Variants in PSTPIP2 observed in about 807,000 individuals in gnomAD.
The protein encoded by PSTPIP2 is proline-serine-threonine phosphatase-interacting protein 2.
Under a neutral mutation model 63.3 loss-of-function variants are expected in PSTPIP2, and 33 were observed. The observed-to-expected ratio is 0.52, with a 90% CI of 0.40 to 0.70. The LOEUF is 0.70. PSTPIP2 is among the 30% of genes least tolerant of loss of function. PSTPIP2 has a pLI of 0.00. For missense variants in PSTPIP2, 312 were observed against 400.7 expected (o/e 0.78, Z 1.89); for synonymous variants, 125 against 132.7 (o/e 0.94, Z 0.40).
At chr18:45,997,344 A>T (rs919080370) in intron 9 of PSTPIP2, among the ~76,000 whole-genome samples, 3 of 151,930 alleles carry the variant, frequency 2.0e-5, no homozygotes, top group Non-Finnish European at 2.9e-5. Context: ...GTGCGCCACC[A>T]CACCCGGCTA....
chr18:46,060,748 A>T (rs9807399), intron 1 of PSTPIP2, among the ~76,000 whole-genome samples: 1 of 152,060 alleles, frequency 6.6e-6, no homozygotes, highest in African/African-American at 2.4e-5. Flanking sequence ...GGCTCCGCCC[A>T]GAGGACTGGT....
At chr18:46,011,160 T>G in intron 5 of PSTPIP2, 21 bp downstream of exon 5, 1 of 1,585,380 alleles carries the variant, frequency 6.3e-7, no homozygotes, top group South Asian at 1.1e-5. Flanking sequence ...GGAAACACCT[T>G]AACACGTATG....
chr18:45,993,656 T>G lies in PSTPIP2; in HGVS notation c.690A>C (p.Ala230=). ...ACAGCTGATTCACATGTAACCACAA[T>G]GCATTCCGGAAGAAGTTTATTCGTT... ...ECERINFFRN[A]LWLHVNQLSQ... The change falls in exon 10 of 15, where the codon GCA becomes GCC. Residue 230 remains alanine, a synonymous_variant. Coordinates refer to ENST00000409746, the MANE Select transcript of PSTPIP2 (RefSeq NM_024430.4). 6.2e-7 allele frequency: 1 copy of G among 1,614,178 alleles called. No individual in the cohort carries two copies.
Position 46,040,008 on chromosome 18 carries a change from T to C in PSTPIP2, c.73A>G (p.Ile25Val), listed in dbSNP as rs1414789345. The change falls in exon 2 of 15, where the codon ATC becomes GTC. Residue 25 changes from isoleucine (I) to valine (V), a missense_variant. Ile to Val is a conservative substitution (Grantham distance 29, BLOSUM62 3). Coordinates refer to ENST00000409746, the MANE Select transcript of PSTPIP2 (RefSeq NM_024430.4). ...TTGCGGCCATTGTTCAGATGTTGGA[T>C]AATGTTGTCATAGCCGATGGTGCTG... ...ILSTIGYDNI[I>V]QHLNNGRKNC... is the part of the protein sequence containing the mutation. 6.2e-7 allele frequency: 1 copy of C among 1,613,532 alleles called. No individual in the cohort carries two copies. Among genetic ancestry groups the C allele is most frequent in the Admixed American group, 1.7e-5 (1 of 59,940 alleles).
intron 1 of PSTPIP2, among the ~76,000 whole-genome samples, chr18:46,054,106 G>C (rs1908671350): frequency 6.6e-6 from 1 of 152,074 alleles, no homozygotes. Flanking sequence ...TACTCACACT[G>C]GTGAGTATTA....
rs150435685 is a variant in PSTPIP2, at chr18:46,015,927, G to A, written c.223C>T (p.Arg75Trp). 1.7e-3 allele frequency: 2,800 copies of A among 1,611,808 alleles called. 4 individuals carry two copies. The highest frequency in any genetic ancestry group is 2.2e-3 in the Non-Finnish European group (2,647 of 1,178,898). Residue 75 changes from arginine to tryptophan, a missense_variant, in exon 4 of 15, where the codon CGG (arginine) becomes TGG (tryptophan). Arg to Trp is a moderately radical substitution (Grantham distance 101). Coordinates refer to ENST00000409746, the MANE Select transcript of PSTPIP2 (RefSeq NM_024430.4). The stretch of plus-strand genomic sequence containing the variant: ...CGCTGCTTGAAGACTTCAAGGGCCC[G>A]CTTCAGGGTGCTAAAAAAAACAAGC... Reference protein sequence around the residue: ...CGQSEINTLKRALEVFKQQVD... With the variant: ...CGQSEINTLKWALEVFKQQVD...
rs1287123184 is a variant in PSTPIP2 at position 45,984,204 on chromosome 18, T to TAAGA, written c.*1254_*1255insTCTT. 2 of 152,126 alleles carry TAAGA rather than the reference T, an allele frequency of 1.3e-5. No homozygotes were observed. The highest frequency in any genetic ancestry group is 2.9e-5 in the Non-Finnish European group (2 of 68,014). The allele number at this position is 152,126 out of a possible 1,614,324, so 9.4% of individuals were successfully genotyped here. On this transcript the variant is annotated 3_prime_UTR_variant, in exon 15 of 15. Transcript: ENST00000409746. ...AATCTTCTTCTGATCAATTTGTCCA[T>TAAGA]AGTTCTGGAAAAGCTACTGCACAGA...
At chr18:45,998,958 C>T in intron 7 of PSTPIP2, 119 bp from the exon 8 acceptor site, 3 of 1,010,326 alleles carry the variant, frequency 3.0e-6, no homozygotes, top group Non-Finnish European at 4.5e-6. Flanking sequence ...TAGTGCAAGT[C>T]CTGTGTACAT....
At chr18:46,041,045 C>A (rs1373338498) in intron 1 of PSTPIP2, 1 of 458,630 alleles carries the variant, frequency 2.2e-6, no homozygotes, top group Non-Finnish European at 4.4e-6. Flanking sequence ...TGAACTTGAC[C>A]CTGATAGCTC....
rs112170054 is a variant in PSTPIP2 at position 45,999,409 on chromosome 18, T to G, written c.516+27A>C. 2.6e-3 allele frequency: 4,252 copies of G among 1,610,504 alleles called. 25 individuals are homozygous for G. The highest frequency in any genetic ancestry group is 7.3e-3 in the Middle Eastern group (44 of 6,050). On this transcript the variant is annotated intron_variant, in intron 7 of 14. Transcript: ENST00000409746. ...GCCTGACATAGGTCAGTCTCAGATT[T>G]TTCGGGTTGTTAGCCCTCCTGGGTA...
chr18:45,998,148 C>T (rs547141880), intron 8 of PSTPIP2, among the ~76,000 whole-genome samples: 1 of 152,264 alleles, frequency 6.6e-6, no homozygotes, highest in East Asian at 1.9e-4. Flanking sequence ...TATTTCCCAT[C>T]GCTTTTCATT....
At chr18:45,990,468 T>A (rs2051516221) in intron 13 of PSTPIP2, among the ~76,000 whole-genome samples, 1 of 151,268 alleles carries the variant, frequency 6.6e-6, no homozygotes, top group Non-Finnish European at 1.5e-5. Context: ...TTTGACTCTG[T>A]CACCAGGCTG....
At chr18:46,067,146 C>T (rs908317856) in intron 1 of PSTPIP2, among the ~76,000 whole-genome samples, 1 of 152,126 alleles carries the variant, frequency 6.6e-6, no homozygotes, top group Non-Finnish European at 1.5e-5. Context: ...TCCCTTTTGC[C>T]ACTAGGCAAG....
chr18:46,036,311 T>C (rs1202698417), intron 2 of PSTPIP2, among the ~76,000 whole-genome samples: 2 of 151,938 alleles, frequency 1.3e-5, no homozygotes, highest in Non-Finnish European at 2.9e-5. Context: ...TTACAATAAC[T>C]GTTCTCATCC....
At chr18:46,048,178 T>G (rs1327539335) in intron 1 of PSTPIP2, among the ~76,000 whole-genome samples, 1 of 152,044 alleles carries the variant, frequency 6.6e-6, no homozygotes, top group African/African-American at 2.4e-5. Flanking sequence ...GAGATGTCAA[T>G]GACAAATACA....
intron 6 of PSTPIP2, among the ~76,000 whole-genome samples, chr18:46,001,683 C>G (rs2051668080): frequency 6.6e-6 from 1 of 152,162 alleles, no homozygotes; most frequent in South Asian, 2.1e-4. Context: ...TCAACTTCTT[C>G]TTTCCCCAGC....
chr18:46,003,695 G>T (rs918958965), intron 6 of PSTPIP2, among the ~76,000 whole-genome samples: 1 of 151,690 alleles, frequency 6.6e-6, no homozygotes, highest in Admixed American at 6.6e-5. Context: ...ACCCTTGTCA[G>T]GTTGTTCTTT....
chr18:46,024,575 C>A (rs369064905), intron 3 of PSTPIP2, 34 bp downstream of exon 3: 284 of 1,573,972 alleles, frequency 1.8e-4, no homozygotes, highest in Non-Finnish European at 2.2e-4. Context: ...CATTATTAAC[C>A]AACCTGGAAA....
chr18:46,057,765 A>G (rs1370994102), intron 1 of PSTPIP2, among the ~76,000 whole-genome samples: 2 of 152,130 alleles, frequency 1.3e-5, no homozygotes, highest in African/African-American at 2.4e-5. Context: ...TGGGAGGCCG[A>G]GGCAGGCGGA....
Sources: allele counts gnomAD v4.1 joint callset (sites outside exome capture counted in the v4.1 genomes callset), GRCh38; gene constraint gnomAD v4.1.1; transcripts MANE v1.5; gene names NCBI Gene and HGNC (gene_info 2026-07-23, HGNC 2026-07-21).